Variants in ANKFN1 observed in about 807,000 individuals in gnomAD.
ANKFN1 encodes ankyrin repeat and fibronectin type-III domain-containing protein 1.
Under a neutral mutation model 108.7 loss-of-function variants are expected in ANKFN1, and 74 were observed. That is an observed-to-expected ratio of 0.68 (90% confidence interval 0.56 to 0.83). ANKFN1 has a LOEUF of 0.83. Among genes scored for constraint, ANKFN1 ranks in the 40% least tolerant of loss-of-function variants. ANKFN1 has a pLI of 0.00. For synonymous variants in ANKFN1, 547 were observed against 516.2 expected, an observed-to-expected ratio of 1.06 and a Z score of -0.81; for missense variants, 1,505 against 1,382.3, an observed-to-expected ratio of 1.09 and a Z score of -1.41.
rs547568568 is a variant in ANKFN1 at position 56,336,326 on chromosome 17, C to T, written c.188+9971C>T. On this transcript the variant is annotated intron_variant, in intron 4 of 20. Coordinates refer to ENST00000682825, the MANE Select transcript of ANKFN1 (RefSeq NM_001370326.1). ...TCCTCTTTGTACCTCTGGTAGAATTCGGCTGGGAATCCATCTGGTCCTGGA... is the reference window on the plus strand; with the variant it reads ...TCCTCTTTGTACCTCTGGTAGAATTTGGCTGGGAATCCATCTGGTCCTGGA... Among the ~76,000 whole-genome samples, 29 of 152,202 alleles carry T rather than the reference C, an allele frequency of 1.9e-4. No homozygotes were observed. The South Asian group carries it at 3.7e-3, about 20-fold the overall frequency.
intron 6 of ANKFN1, among the ~76,000 whole-genome samples, chr17:56,362,141 T>A (rs1162934577): frequency 6.6e-6 from 1 of 152,196 alleles, no homozygotes; most frequent in Non-Finnish European, 1.5e-5. Flanking sequence ...CATTAAAACA[T>A]TTATCACATT....
intron 15 of ANKFN1, among the ~76,000 whole-genome samples, chr17:56,469,491 A>G (rs926763075): frequency 1.3e-5 from 2 of 152,074 alleles, no homozygotes; most frequent in Non-Finnish European, 2.9e-5. Flanking sequence ...AGTGATGACC[A>G]CCAGGCCTTC....
At chr17:56,069,143 G>A (rs1366466857) in intron 4 of ANKFN1, among the ~76,000 whole-genome samples, 3 of 150,018 alleles carry the variant, frequency 2.0e-5, no homozygotes, top group African/African-American at 7.6e-5. Flanking sequence ...GAAAATGTTT[G>A]TGTGGGTGCT....
intron 1 of ANKFN1, among the ~76,000 whole-genome samples, chr17:56,200,650 A>G (rs181377779): frequency 7.2e-4 from 110 of 152,326 alleles, no homozygotes; most frequent in African/African-American, 2.6e-3. Flanking sequence ...CTTGGGCTGT[A>G]CAGTCTTCAA....
At chr17:56,245,637 A>C (rs1567861048) in intron 3 of ANKFN1, 1 of 152,176 alleles carries the variant, frequency 6.6e-6, no homozygotes, top group Non-Finnish European at 1.5e-5. Context: ...TATCTGGATA[A>C]AAATTCATTT....
chr17:56,429,549 T>C (rs2086512561), intron 8 of ANKFN1, among the ~76,000 whole-genome samples: 1 of 152,224 alleles, frequency 6.6e-6, no homozygotes, highest in African/African-American at 2.4e-5. Context: ...CACTTTTAGC[T>C]CACAGGCTAT....
At chr17:56,133,641 C>G (rs1437492613) in intron 4 of ANKFN1, among the ~76,000 whole-genome samples, 1 of 76,282 alleles carries the variant, frequency 1.3e-5, no homozygotes, top group African/African-American at 2.9e-5. Context: ...TTCCATCACT[C>G]TACATTTCCA....
intron 4 of ANKFN1, among the ~76,000 whole-genome samples, chr17:56,144,286 G>A (rs1670390946): frequency 6.6e-6 from 1 of 151,758 alleles, no homozygotes; most frequent in Non-Finnish European, 1.5e-5. Context: ...AAATCATGAA[G>A]GGCTCCATGT....
At chr17:56,231,337 C>A (rs776576262) in intron 3 of ANKFN1, among the ~76,000 whole-genome samples, 1 of 152,160 alleles carries the variant, frequency 6.6e-6, no homozygotes, top group Non-Finnish European at 1.5e-5. Context: ...ATTCTGGGTG[C>A]CTTTTCTTCC....
chr17:56,398,769 A>G (rs1164550592), intron 8 of ANKFN1, among the ~76,000 whole-genome samples: 1 of 152,132 alleles, frequency 6.6e-6, no homozygotes, highest in African/African-American at 2.4e-5. Context: ...GATCTTGGAA[A>G]ACGTTTCATC....
At chr17:56,081,763 G>A (rs114421488) in intron 4 of ANKFN1, among the ~76,000 whole-genome samples, 4,028 of 152,232 alleles carry the variant, frequency 0.026, 174 homozygotes, top group African/African-American at 0.091. Context: ...TAGCATTTAG[G>A]AGGTAAGCAA....
At position 56,372,727 on chromosome 17, in the gene ANKFN1, AG is replaced by A; in HGVS notation, c.685del (p.Val229TrpfsTer17). 6.2e-7 allele frequency: 1 copy of A among 1,614,090 alleles called. No individual in the cohort carries two copies. The highest frequency in any genetic ancestry group is 8.5e-7 in the Non-Finnish European group (1 of 1,179,984). ...GAGAGGGTGAGTGAACTGTCTGCCC[AG>A]GTGGAGAATGAAGGATTCACTCTGG... is the stretch of plus-strand genomic sequence containing the variant. ...AQERVSELSA[Q>X]VENEGFTLDN... On this transcript the variant is annotated frameshift_variant, in exon 7 of 21. Coordinates refer to ENST00000682825, the MANE Select transcript of ANKFN1 (RefSeq NM_001370326.1). LOFTEE classifies it high-confidence loss of function.
At chr17:56,415,588 T>A (rs894440482) in intron 8 of ANKFN1, among the ~76,000 whole-genome samples, 2 of 152,164 alleles carry the variant, frequency 1.3e-5, no homozygotes, top group Admixed American at 1.3e-4. Flanking sequence ...AGGACACATA[T>A]CCCATGTTCA....
intron 6 of ANKFN1, among the ~76,000 whole-genome samples, chr17:56,359,372 G>A (rs1004734891): frequency 7.2e-5 from 11 of 152,190 alleles, no homozygotes; most frequent in Admixed American, 5.9e-4. Context: ...GGTTGTAGAT[G>A]TAGCCTAGTT....
intron 8 of ANKFN1, among the ~76,000 whole-genome samples, chr17:56,382,041 G>T (rs28806530): frequency 2.0e-5 from 3 of 152,160 alleles, no homozygotes; most frequent in African/African-American, 7.2e-5. Context: ...AAAGAGAAAG[G>T]TCGGGTTACC....
chr17:56,229,773 A>T (rs1489269876), intron 3 of ANKFN1, among the ~76,000 whole-genome samples: 1 of 150,334 alleles, frequency 6.7e-6, no homozygotes, highest in Non-Finnish European at 1.5e-5. Flanking sequence ...TTTCTCAGAC[A>T]CATACAGGGT....
At chr17:56,355,069 G>T (rs1276020565) in intron 6 of ANKFN1, among the ~76,000 whole-genome samples, 1 of 152,050 alleles carries the variant, frequency 6.6e-6, no homozygotes, top group Non-Finnish European at 1.5e-5. Flanking sequence ...GTTAGGTATT[G>T]TATATTACAA....
In ANKFN1 at chr17:56,298,219, T is replaced by C. The variant is rs529103519; in HGVS notation, c.54-28002T>C. Among the ~76,000 whole-genome samples, 15 of 152,344 alleles carry C rather than the reference T, an allele frequency of 9.8e-5. No individual in the cohort carries two copies. In the South Asian group the frequency reaches 2.7e-3, roughly 27 times the overall value. On this transcript the variant is annotated intron_variant, in intron 3 of 20. Coordinates refer to ENST00000682825, the MANE Select transcript of ANKFN1 (RefSeq NM_001370326.1). ...CAAATCAATGGAAAATACATACATA[T>C]GGAAGAAAATGCACCAAAAGATATA...
At chr17:56,066,123 T>C (rs1905055335) in intron 4 of ANKFN1, among the ~76,000 whole-genome samples, 1 of 152,206 alleles carries the variant, frequency 6.6e-6, no homozygotes, top group Non-Finnish European at 1.5e-5. Context: ...CTGATCTCTT[T>C]TGGCTTAGAG....
Sources: allele counts gnomAD v4.1 joint callset (sites outside exome capture counted in the v4.1 genomes callset), GRCh38; gene constraint gnomAD v4.1.1; transcripts MANE v1.5; gene names NCBI Gene and HGNC (gene_info 2026-07-23, HGNC 2026-07-21).